EMSY: variants seen among roughly 807,000 people sequenced by gnomAD.
EMSY encodes EMSY transcriptional repressor, BRCA2 interacting.
Under a neutral mutation model 134.6 loss-of-function variants are expected in EMSY, and 26 were observed. That is an observed-to-expected ratio of 0.19 (90% CI 0.14 to 0.27). The LOEUF is 0.27. EMSY is among the 10% of genes least tolerant of loss of function. The probability of loss-of-function intolerance (pLI) is 1.00; values close to 1 mark genes in which losing one functional copy is unlikely to be tolerated. For missense variants in EMSY, 1,305 were observed against 1,611.4 expected (o/e 0.81, Z 3.26); for synonymous variants, 579 against 577.8 (o/e 1.00, Z -0.03).
chr11:76,515,286 G>T (rs537722567), intron 10 of EMSY, among the ~76,000 whole-genome samples: 2 of 151,846 alleles, frequency 1.3e-5, no homozygotes, highest in Non-Finnish European at 2.9e-5. Flanking sequence ...ATTTCTTCAA[G>T]TGAAGATGAT....
At chr11:76,510,991 C>T (rs1001691501) in intron 9 of EMSY, among the ~76,000 whole-genome samples, 6 of 152,150 alleles carry the variant, frequency 3.9e-5, no homozygotes, top group Non-Finnish European at 7.4e-5. Flanking sequence ...GCCCTTGGCA[C>T]GATTTCTGGA....
chr11:76,475,827 A>G (rs1043308313), intron 8 of EMSY, among the ~76,000 whole-genome samples: 1 of 152,150 alleles, frequency 6.6e-6, no homozygotes, highest in African/African-American at 2.4e-5. Flanking sequence ...TGGACTAGAG[A>G]CATATTGTTT....
intron 11 of EMSY, among the ~76,000 whole-genome samples, chr11:76,517,923 T>C (rs1283816787): frequency 6.6e-6 from 1 of 152,184 alleles, no homozygotes; most frequent in Non-Finnish European, 1.5e-5. Flanking sequence ...AAAGAACTTC[T>C]TCTGGTTGCT....
chr11:76,526,632 G>T (rs576565110), exon 13 of EMSY: 1 of 1,611,624 alleles, frequency 6.2e-7, no homozygotes, highest in East Asian at 2.2e-5. Context: ...AAGGGAAAAC[G>T]CAGGTATGCT....
intron 14 of EMSY, among the ~76,000 whole-genome samples, chr11:76,531,947 G>A (rs539199706): frequency 6.6e-6 from 1 of 152,242 alleles, no homozygotes; most frequent in Admixed American, 6.5e-5. Flanking sequence ...CCCCAAGGAA[G>A]AGAAATTTTT....
In EMSY at chr11:76,458,277, G is replaced by A. The variant is rs367596004; in HGVS notation, c.340G>A (p.Val114Ile). ...GCTCGTTCCCCAAACCGCCTTTACT[G>A]TAACAGCTAATGCTGTTGCTAATGC... The change falls in exon 5 of 21, where the codon GTA becomes ATA. Residue 114 changes from valine to isoleucine, a missense_variant. Around this residue, in one of 7 missense-constraint regions of EMSY, gnomAD observed 205 missense variants for 268.6 expected, o/e 0.76. Coordinates refer to ENST00000334736, the Ensembl canonical transcript of EMSY. The A allele has an allele frequency of 6.3e-5, 102 of 1,613,942 alleles. No homozygotes were observed. In the Middle Eastern group the frequency reaches 6.6e-4, roughly 10 times the overall value.
At chr11:76,545,921 C>A (rs768848121) in exon 20 of EMSY, 1 of 1,614,200 alleles carries the variant, frequency 6.2e-7, no homozygotes, top group East Asian at 2.2e-5. Context: ...TCACCAGTTA[C>A]AAGCATATCT....
chr11:76,493,517 A>G (rs1273846561), intron 8 of EMSY, among the ~76,000 whole-genome samples: 1 of 152,044 alleles, frequency 6.6e-6, no homozygotes. Flanking sequence ...TTTCCGGTCC[A>G]TTGGCCGCCC....
intron 9 of EMSY, among the ~76,000 whole-genome samples, chr11:76,512,983 G>A (rs1950330335): frequency 6.6e-6 from 1 of 152,042 alleles, no homozygotes; most frequent in Admixed American, 6.5e-5. Flanking sequence ...GAATATTTTG[G>A]CGAAGTTGGG....
chr11:76,540,151 T>A (rs1298508969), intron 17 of EMSY, among the ~76,000 whole-genome samples: 1 of 152,188 alleles, frequency 6.6e-6, no homozygotes, highest in Admixed American at 6.5e-5. Context: ...ATTTCACTTC[T>A]TAATAAAAAA....
intron 20 of EMSY, among the ~76,000 whole-genome samples, chr11:76,549,506 C>G (rs891058405): frequency 6.6e-6 from 1 of 152,204 alleles, no homozygotes; most frequent in Non-Finnish European, 1.5e-5. Context: ...GCTACATTTA[C>G]ATTTACATTT....
chr11:76,467,707 A>T (rs1027943060), intron 7 of EMSY, among the ~76,000 whole-genome samples: 3 of 152,170 alleles, frequency 2.0e-5, no homozygotes, highest in Admixed American at 6.5e-5. Context: ...AAAGATGATC[A>T]TAGGCCGGGT....
intron 6 of EMSY, among the ~76,000 whole-genome samples, chr11:76,462,109 G>T (rs1948145596): frequency 6.6e-6 from 1 of 151,796 alleles, no homozygotes; most frequent in Non-Finnish European, 1.5e-5. Context: ...TGTGGTGGCA[G>T]GTGCCTGTAA....
chr11:76,546,058 A>G (rs1159569421), exon 20 of EMSY: 1 of 1,614,210 alleles, frequency 6.2e-7, no homozygotes, highest in East Asian at 2.2e-5. Flanking sequence ...TGCCACTAGC[A>G]TGCTCACTGG....
intron 11 of EMSY, among the ~76,000 whole-genome samples, chr11:76,518,167 C>CTT (rs35911259): frequency 0.39 from 46,342 of 119,208 alleles, 9,462 homozygotes; most frequent in South Asian, 0.49. Context: ...GAAGTACTTT[C>CTT]TTTTTTTTTT....
At chr11:76,489,728 C>T (rs1565309805) in intron 8 of EMSY, among the ~76,000 whole-genome samples, 1 of 152,004 alleles carries the variant, frequency 6.6e-6, no homozygotes, top group Non-Finnish European at 1.5e-5. Context: ...CCTCAGCCTC[C>T]TGAGTAGCTC....
chr11:76,459,949 C>T (rs1948038770), exon 6 of EMSY: 1 of 1,614,060 alleles, frequency 6.2e-7, no homozygotes, highest in East Asian at 2.2e-5. Context: ...TTTGCTATTC[C>T]TACACAAGTA....
At chr11:76,515,501 A>G (rs1199840253) in intron 10 of EMSY, among the ~76,000 whole-genome samples, 1 of 152,186 alleles carries the variant, frequency 6.6e-6, no homozygotes, top group African/African-American at 2.4e-5. Flanking sequence ...AAAATAGTCT[A>G]ACAGGTCTAA....
chr11:76,452,003 G>T (rs2134831015), intron 3 of EMSY, 46 bp downstream of exon 3: 1 of 1,281,786 alleles, frequency 7.8e-7, no homozygotes, highest in East Asian at 2.5e-5. Flanking sequence ...TTTCATTTTG[G>T]GGGATTTTAT....
Sources: allele counts gnomAD v4.1 joint callset (sites outside exome capture counted in the v4.1 genomes callset), GRCh38; gene constraint gnomAD v4.1.1; regional missense constraint gnomAD v4.1.1; transcripts MANE v1.5; gene names NCBI Gene and HGNC (gene_info 2026-07-23, HGNC 2026-07-21).